Variants in GALR1 observed in about 807,000 individuals in gnomAD.
GALR1 encodes galanin receptor 1.
In GALR1, 11 loss-of-function variants were observed where a neutral mutation model predicts 17.9. The observed-to-expected ratio is 0.62, with a 90% CI of 0.39 to 1.02. The LOEUF (loss-of-function observed/expected upper bound fraction) is 1.02, where lower values mean the gene tolerates loss of function less well. Ranked by LOEUF, GALR1 falls within the 50% of genes least tolerant of loss-of-function variation. GALR1 has a pLI of 0.01. For synonymous variants in GALR1, 206 were observed against 205.7 expected (o/e 1.00, Z -0.01); for missense variants, 441 against 456.9 (o/e 0.97, Z 0.32).
chr18:77,257,689 G>T (rs1417821288), intron 2 of GALR1, among the ~76,000 whole-genome samples: 1 of 152,166 alleles, frequency 6.6e-6, no homozygotes, highest in Non-Finnish European at 1.5e-5. Context: ...TATTTTTAGA[G>T]CACCTGCTCT....
At chr18:77,253,133 T>A (rs1263117194) in intron 1 of GALR1, among the ~76,000 whole-genome samples, 2 of 151,970 alleles carry the variant, frequency 1.3e-5, no homozygotes, top group African/African-American at 4.8e-5. Context: ...ATTAACGTGG[T>A]CTTCCGCAGA....
chr18:77,275,380 G>A lies in GALR1; in HGVS notation c.*6478G>A, dbSNP rs1008650055. 1 of 152,294 alleles carries A rather than the reference G, an allele frequency of 6.6e-6. No homozygotes were observed. The highest frequency in any genetic ancestry group is 2.4e-5 in the African/African-American group (1 of 41,454). 9.4% of individuals were successfully genotyped at this position (152,294 alleles called of 1,614,324 possible). On this transcript the variant is annotated 3_prime_UTR_variant, in exon 3 of 3. Transcript: ENST00000299727. ...GCCTCCCTCGGACTTACTCTGGCCAGGAACTGCATCTGCTCCTCTAAGGAG... is the reference window on the plus strand; with the variant it reads ...GCCTCCCTCGGACTTACTCTGGCCAAGAACTGCATCTGCTCCTCTAAGGAG...
chr18:77,251,240 C>G (rs1912404918), intron 1 of GALR1, 26 bp downstream of exon 1: 1 of 1,574,356 alleles, frequency 6.4e-7, no homozygotes, highest in Non-Finnish European at 8.7e-7. Context: ...GGGGCCGAGA[C>G]GCGCGAGGGA....
Position 77,275,872 on chromosome 18 carries a change from G to A in GALR1, c.*6970G>A, listed in dbSNP as rs1913146535. Reference sequence around the variant, plus strand: ...GGGCGAGGTTACAAAAGAGGCTTCGGTAGCGTCCTCAGGCCCGCGTGCCCT... The same window carrying A: ...GGGCGAGGTTACAAAAGAGGCTTCGATAGCGTCCTCAGGCCCGCGTGCCCT... On this transcript the variant is annotated 3_prime_UTR_variant, in exon 3 of 3. Transcript: ENST00000299727. The A allele has an allele frequency of 1.3e-5, 2 of 152,306 alleles. No homozygotes were observed. The highest frequency in any genetic ancestry group is 2.9e-5 in the Non-Finnish European group (2 of 68,022). The allele number at this position is 152,306 out of a possible 1,614,324, so 9.4% of individuals were successfully genotyped here.
intron 1 of GALR1, among the ~76,000 whole-genome samples, chr18:77,253,004 C>CCACCAT (rs1912500954): frequency 1.2e-5 from 1 of 85,028 alleles, no homozygotes; most frequent in Admixed American, 1.1e-4. Context: ...ACCACCACCA[C>CCACCAT]CACCACCACC....
chr18:77,264,208 G>A (rs1014914924), intron 2 of GALR1, among the ~76,000 whole-genome samples: 12 of 149,092 alleles, frequency 8.0e-5, no homozygotes, highest in African/African-American at 3.0e-4. Flanking sequence ...GCAGTGTGGA[G>A]CTGTGGTTCC....
At position 77,276,202 on chromosome 18, in the gene GALR1, C is replaced by A. The variant is rs1913155098; in HGVS notation, c.*7300C>A. ...TTTTCTTGGGTACAATTGAACAAAT[C>A]TTTTAATCTCTTCAGTTCTATCTGC... On this transcript the variant is annotated 3_prime_UTR_variant, in exon 3 of 3. Transcript: ENST00000299727. The A allele has an allele frequency of 6.6e-6, 1 of 152,100 alleles. No homozygotes were observed. The allele number at this position is 152,100 out of a possible 1,614,324, so 9.4% of individuals were successfully genotyped here.
Position 77,251,219 on chromosome 18 carries a change from A to T in GALR1, c.666+5A>T. On this transcript the variant is annotated splice_donor_5th_base_variant and intron_variant, in intron 1 of 2. Transcript: ENST00000299727. Reference sequence around the variant, plus strand: ...ATCTGCTTCTGCTATGCCAAGGTGCACGCCGGTCGCGGGGCCGAGACGCGC... The same window carrying T: ...ATCTGCTTCTGCTATGCCAAGGTGCTCGCCGGTCGCGGGGCCGAGACGCGC... 6.3e-7 allele frequency: 1 copy of T among 1,590,342 alleles called. No homozygotes were observed. Among genetic ancestry groups the T allele is most frequent in the East Asian group, 2.3e-5 (1 of 44,190 alleles).
intron 2 of GALR1, among the ~76,000 whole-genome samples, chr18:77,258,971 T>TGTGGTGATGTTG (rs1555672692): frequency 5.5e-5 from 4 of 72,724 alleles, no homozygotes; most frequent in African/African-American, 2.3e-4. Flanking sequence ...TGGTGGCGAT[T>TGTGGTGATGTTG]GTGGTGATGG....
rs1913088720 is a variant in GALR1 at position 77,272,824 on chromosome 18, C to T, written c.*3922C>T. ...TAGTTACATGTTGGCCTGGAAAGAA[C>T]AAAATTATGAAATGGTAATTATATC... On this transcript the variant is annotated 3_prime_UTR_variant, in exon 3 of 3. Transcript: ENST00000299727. The T allele has an allele frequency of 6.6e-6, 1 of 152,128 alleles. No homozygotes were observed. The highest frequency in any genetic ancestry group is 6.6e-5 in the Admixed American group (1 of 15,266). 9.4% of individuals were successfully genotyped at this position (152,128 alleles called of 1,614,324 possible).
chr18:77,250,763 T>TG lies in GALR1; in HGVS notation c.216dup (p.Phe73ValfsTer153), dbSNP rs1912387032. On this transcript the variant is annotated frameshift_variant, in exon 1 of 3. Transcript: ENST00000299727. LOFTEE classifies it high-confidence loss of function. ...GGCAAGCCGCGGAGCACCACCAACC[T>TG]GTTCATCCTCAACCTGAGCATCGCC... 6.2e-7 allele frequency: 1 copy of TG among 1,613,874 alleles called. No individual in the cohort carries two copies. The highest frequency in any genetic ancestry group is 1.3e-5 in the African/African-American group (1 of 74,942).
rs1458003676 is a variant in GALR1, at chr18:77,277,069, A to G, written c.*8167A>G. The G allele has an allele frequency of 6.6e-6, 1 of 152,228 alleles. No individual in the cohort carries two copies. The highest frequency in any genetic ancestry group is 2.4e-5 in the African/African-American group (1 of 41,466). 9.4% of individuals were successfully genotyped at this position (152,228 alleles called of 1,614,324 possible). A position where few individuals can be genotyped will look rare whatever the true frequency, so the allele number is the denominator to read the frequency against. On this transcript the variant is annotated 3_prime_UTR_variant, in exon 3 of 3. Coordinates refer to ENST00000299727, the MANE Select transcript of GALR1 (RefSeq NM_001480.4). ...TTAAACTCAGTGTTTAAATATTTGC[A>G]TGTCTTTCTATGTGACTGCTAATTT...
chr18:77,250,843 C>T lies in GALR1; in HGVS notation c.295C>T (p.Pro99Ser). ...CTTCCAGGCCACCGTGTACGCGCTG[C>T]CCACCTGGGTGCTGGGCGCCTTCAT... ...IPFQATVYALPTWVLGAFICK... is the reference protein window; with the variant it reads ...IPFQATVYALSTWVLGAFICK... Residue 99 changes from proline (P) to serine (S), a missense_variant, in exon 1 of 3, where the codon CCC (proline) becomes TCC (serine). By Grantham distance (74) the Pro-to-Ser change is moderately conservative. Transcript: ENST00000299727. 6.2e-7 allele frequency: 1 copy of T among 1,613,280 alleles called. No individual in the cohort carries two copies. Among genetic ancestry groups the T allele is most frequent in the East Asian group, 2.2e-5 (1 of 44,884 alleles).
Position 77,250,254 on chromosome 18 carries a change from C to T in GALR1, c.-295C>T, listed in dbSNP as rs1334879956. 2.0e-5 allele frequency among the ~76,000 whole-genome samples: 3 copies of T among 152,154 alleles called. No individual in the cohort carries two copies. Among genetic ancestry groups the T allele is most frequent in the Non-Finnish European group, 2.9e-5 (2 of 68,008 alleles). On this transcript the variant is annotated 5_prime_UTR_variant, in exon 1 of 3. Transcript: ENST00000299727. ...CCAGGCTCCGTGGTCGCGCAGCGGG[C>T]GGAGGCGCCCGGGAAGGGGACCCCA...
intron 2 of GALR1, among the ~76,000 whole-genome samples, chr18:77,263,359 C>T (rs139398998): frequency 3.3e-5 from 5 of 152,112 alleles, no homozygotes; most frequent in Admixed American, 1.3e-4. Flanking sequence ...CTGTAAAACC[C>T]GTACTTAGAT....
rs1913145526 is a variant in GALR1, at chr18:77,275,819, C to T, written c.*6917C>T. On this transcript the variant is annotated 3_prime_UTR_variant, in exon 3 of 3. Coordinates refer to ENST00000299727, the MANE Select transcript of GALR1 (RefSeq NM_001480.4). ...ATTTCCTGGTATGTCAATGTAGCTT[C>T]AGAAATAGGTCTCAGTGTTCTGGCT... 6.6e-6 allele frequency: 1 copy of T among 152,160 alleles called. No individual in the cohort carries two copies. The highest frequency in any genetic ancestry group is 2.4e-5 in the African/African-American group (1 of 41,424). 9.4% of individuals were successfully genotyped at this position (152,160 alleles called of 1,614,324 possible). A position where few individuals can be genotyped will look rare whatever the true frequency, so the allele number is the denominator to read the frequency against.
At chr18:77,258,701 CATGTG>C (rs1294841931) in intron 2 of GALR1, among the ~76,000 whole-genome samples, 1 of 8,330 alleles carries the variant, frequency 1.2e-4, no homozygotes, top group Non-Finnish European at 2.5e-4. Context: ...TGGTGGTGGT[CATGTG>C]ATGGTGGTGC....
At chr18:77,264,846 G>A (rs945730643) in intron 2 of GALR1, among the ~76,000 whole-genome samples, 1 of 152,180 alleles carries the variant, frequency 6.6e-6, no homozygotes, top group Non-Finnish European at 1.5e-5. Context: ...CATGAGAATA[G>A]CATGAAGGTA....
At chr18:77,252,754 A>G (rs1406908192) in intron 1 of GALR1, among the ~76,000 whole-genome samples, 3 of 151,970 alleles carry the variant, frequency 2.0e-5, no homozygotes, top group Non-Finnish European at 2.9e-5. Flanking sequence ...AGGCTGAGAC[A>G]GAAGAATTGT....
Sources: gnomAD v4.1 joint callset for allele counts (sites outside exome capture counted in the v4.1 genomes callset) on GRCh38, gnomAD v4.1.1 for gene constraint, MANE v1.5 for transcripts, NCBI Gene and HGNC (gene_info 2026-07-23, HGNC 2026-07-21) for gene names.